The following DCAF6 variants were observed in gnomAD, a reference collection of about 807,000 sequenced individuals.
DCAF6 encodes the protein DDB1 and CUL4 associated factor 6.
In DCAF6, 54 loss-of-function variants were observed where a neutral mutation model predicts 125.1. The observed-to-expected ratio is 0.43, with a 90% CI of 0.35 to 0.54. DCAF6 has a LOEUF of 0.54. Among genes scored for constraint, DCAF6 ranks in the 20% least tolerant of loss-of-function variants. DCAF6 has a pLI of 0.01. For missense variants in DCAF6, 934 were observed against 1,161.7 expected, an observed-to-expected ratio of 0.80 and a Z score of 2.85; for synonymous variants, 371 against 390.4, an observed-to-expected ratio of 0.95 and a Z score of 0.58.
the DCAF6 span, among the ~76,000 whole-genome samples, chr1:167,926,570 C>T: frequency 6.6e-6 from 1 of 152,176 alleles, no homozygotes; most frequent in Non-Finnish European, 1.5e-5. Context: ...AGGAGTGTCC[C>T]CCCAGGGGCA....
At chr1:168,050,506 C>T (rs1287907549) in intron 16 of DCAF6, among the ~76,000 whole-genome samples, 1 of 152,142 alleles carries the variant, frequency 6.6e-6, no homozygotes, top group Non-Finnish European at 1.5e-5. Context: ...AGTGAATTAG[C>T]TTAGGGCTTA....
chr1:168,055,331 G>GTTTTTT (rs554861802), intron 17 of DCAF6, among the ~76,000 whole-genome samples: 2 of 31,626 alleles, frequency 6.3e-5, no homozygotes, highest in Non-Finnish European at 1.0e-4. Context: ...TCAGGCTTAA[G>GTTTTTT]TTTTTTTTTT....
intron 4 of DCAF6, among the ~76,000 whole-genome samples, chr1:167,977,439 G>C (rs1439105671): frequency 6.6e-6 from 1 of 151,994 alleles, no homozygotes; most frequent in Non-Finnish European, 1.5e-5. Context: ...TGTTGAAGTT[G>C]CAAAGTCAGA....
intron 2 of DCAF6, among the ~76,000 whole-genome samples, chr1:167,963,439 T>G (rs927988711): frequency 5.7e-3 from 6 of 1,046 alleles, no homozygotes; most frequent in African/African-American, 0.036. Flanking sequence ...TTGTTTCTGT[T>G]TTTTTTTTTT....
intron 21 of DCAF6, among the ~76,000 whole-genome samples, chr1:168,071,719 AC>A (rs1287809241): frequency 2.0e-5 from 3 of 151,874 alleles, no homozygotes; most frequent in African/African-American, 7.2e-5. Context: ...ATTAGATACC[AC>A]CCCCTCTTAA....
chr1:167,970,644 C>T (rs1250872591), intron 3 of DCAF6, among the ~76,000 whole-genome samples: 2 of 151,940 alleles, frequency 1.3e-5, no homozygotes, highest in Non-Finnish European at 2.9e-5. Flanking sequence ...AAATTATTAT[C>T]ATAAGCCTTT....
chr1:167,975,074 A>G, intron 4 of DCAF6, 59 bp downstream of exon 4: 5 of 1,164,752 alleles, frequency 4.3e-6, no homozygotes, highest in African/African-American at 1.6e-5. Context: ...TTGATTAAGT[A>G]CATACATGTG....
At chr1:167,985,184 C>CGTGTGTGTGTGTGTGTGTGT (rs33966059) in intron 4 of DCAF6, among the ~76,000 whole-genome samples, 3 of 146,944 alleles carry the variant, frequency 2.0e-5, no homozygotes, top group African/African-American at 7.5e-5. Context: ...CAAACCACGT[C>CGTGTGTGTGTGTGTGTGTGT]GTGTGTGTGT....
chr1:167,868,245 TAAG>T, the DCAF6 span, among the ~76,000 whole-genome samples: 1,134 of 152,300 alleles, frequency 7.4e-3, 14 homozygotes, highest in African/African-American at 0.026. Flanking sequence ...GAAACTGTAA[TAAG>T]AGATCAATGG....
the DCAF6 span, chr1:167,901,728 G>C: frequency 1.9e-6 from 3 of 1,614,002 alleles, no homozygotes; most frequent in Admixed American, 1.7e-5. Context: ...TGGATCTCCA[G>C]GCTACATTTA....
chr1:167,878,731 T>C, the DCAF6 span: 1 of 1,251,408 alleles, frequency 8.0e-7, no homozygotes, highest in Non-Finnish European at 1.1e-6. Context: ...TTTTTACCCT[T>C]TACTCCCTTT....
intron 3 of DCAF6, among the ~76,000 whole-genome samples, 164 bp from the exon 4 acceptor site, chr1:167,974,666 T>C (rs1677864745): frequency 6.6e-6 from 1 of 152,168 alleles, no homozygotes; most frequent in African/African-American, 2.4e-5. Context: ...AGAAAATATA[T>C]GGGATTCTGA....
At chr1:167,892,297 TAAA>T in the DCAF6 span, among the ~76,000 whole-genome samples, 1 of 152,156 alleles carries the variant, frequency 6.6e-6, no homozygotes, top group Non-Finnish European at 1.5e-5. Context: ...CACAAATAAA[TAAA>T]AAACTTCTGT....
chr1:168,075,249 G>T lies in DCAF6; in HGVS notation c.2792-122G>T, dbSNP rs985540019. ...CTTTACTCTTTTATTTGCCTCTAAA[G>T]ACATCCACACATAGTGGTGAACTGA... On this transcript the variant is annotated intron_variant, in intron 21 of 21. Transcript: ENST00000367840. The T allele has an allele frequency of 3.7e-6, 3 of 806,856 alleles. No individual in the cohort carries two copies. The African/African-American group carries it at 5.5e-5, about 15-fold the overall frequency. 50.0% of individuals were successfully genotyped at this position (806,856 alleles called of 1,614,324 possible).
At chr1:167,956,265 A>G (rs1674775530) in intron 2 of DCAF6, among the ~76,000 whole-genome samples, 1 of 152,036 alleles carries the variant, frequency 6.6e-6, no homozygotes, top group Admixed American at 6.6e-5. Context: ...TAAACTATTC[A>G]GGGTATCTAT....
the DCAF6 span, among the ~76,000 whole-genome samples, chr1:167,911,832 T>G: frequency 6.6e-6 from 1 of 152,234 alleles, no homozygotes; most frequent in Non-Finnish European, 1.5e-5. Context: ...AAGATTCTAT[T>G]GTTTTAATTA....
chr1:167,936,667 A>C, upstream of DCAF6: 1 of 444,366 alleles, frequency 2.3e-6, no homozygotes. Context: ...GAGGGAGGAG[A>C]CTGTTGCTGA....
At chr1:167,943,340 A>G (rs1055951621) in intron 1 of DCAF6, among the ~76,000 whole-genome samples, 1 of 152,150 alleles carries the variant, frequency 6.6e-6, no homozygotes, top group Admixed American at 6.5e-5. Context: ...GAATCTATAT[A>G]TTATTTCAGG....
At chr1:168,037,195 G>C (rs531036145) in intron 12 of DCAF6, among the ~76,000 whole-genome samples, 2 of 147,820 alleles carry the variant, frequency 1.4e-5, no homozygotes, top group South Asian at 4.2e-4. Flanking sequence ...GCCCCGCTGA[G>C]ATTCTCTTAA....
Sources: gnomAD v4.1 joint callset for allele counts (sites outside exome capture counted in the v4.1 genomes callset) on GRCh38, gnomAD v4.1.1 for gene constraint, MANE v1.5 for transcripts, NCBI Gene and HGNC (gene_info 2026-07-23, HGNC 2026-07-21) for gene names.